The following GLRB variants were observed in gnomAD, a reference collection of about 807,000 sequenced individuals.
GLRB encodes glycine receptor subunit beta.
A neutral mutation model predicts 54.2 loss-of-function variants in GLRB; 33 were observed. That is an observed-to-expected ratio of 0.61 (90% CI 0.46 to 0.81). GLRB has a LOEUF of 0.81. Ranked by LOEUF, GLRB falls within the 40% of genes least tolerant of loss-of-function variation. GLRB has a pLI of 0.00. For synonymous variants in GLRB, 209 were observed against 208.2 expected (o/e 1.00, Z -0.03); for missense variants, 572 against 584.6 (o/e 0.98, Z 0.22).
chr4:157,125,526 A>G (rs990597228), intron 4 of GLRB, among the ~76,000 whole-genome samples: 1 of 151,918 alleles, frequency 6.6e-6, no homozygotes, highest in Admixed American at 6.6e-5. Context: ...TCACAGTAGT[A>G]TATTATCCTA....
chr4:157,118,513 G>C (rs987948876), intron 2 of GLRB, among the ~76,000 whole-genome samples: 2 of 151,494 alleles, frequency 1.3e-5, no homozygotes, highest in Non-Finnish European at 3.0e-5. Flanking sequence ...TGATATTGGA[G>C]CCAATAAAGC....
intron 9 of GLRB, among the ~76,000 whole-genome samples, chr4:157,167,358 G>A (rs910717661): frequency 3.3e-5 from 5 of 152,184 alleles, no homozygotes; most frequent in Non-Finnish European, 4.4e-5. Context: ...GATACATGTG[G>A]AGACTCACAC....
rs79202704 is a variant in GLRB, at chr4:157,099,876, C to G, written c.123-20680C>G. On this transcript the variant is annotated intron_variant, in intron 2 of 9. Coordinates refer to ENST00000264428, the MANE Select transcript of GLRB (RefSeq NM_000824.5). ...CCATCTTCTGTGAGTATAATGTTATCTCAGTGTAGTTTTAATTTGCATTTC... is the reference window on the plus strand; with the variant it reads ...CCATCTTCTGTGAGTATAATGTTATGTCAGTGTAGTTTTAATTTGCATTTC... Among the ~76,000 whole-genome samples the G allele has an allele frequency of 7.8e-3, 1,179 of 152,126 alleles. 22 individuals are homozygous for G. In the East Asian group the frequency reaches 0.1, roughly 13 times the overall value.
At chr4:157,141,816 A>T (rs1343484506) in intron 7 of GLRB, among the ~76,000 whole-genome samples, 1 of 152,094 alleles carries the variant, frequency 6.6e-6, no homozygotes, top group Non-Finnish European at 1.5e-5. Context: ...AAGCTCCCCT[A>T]GTGGGTACCT....
At chr4:157,081,419 C>T (rs2126419627) in intron 2 of GLRB, among the ~76,000 whole-genome samples, 1 of 152,194 alleles carries the variant, frequency 6.6e-6, no homozygotes, top group East Asian at 1.9e-4. Context: ...ACCGTCCCGT[C>T]ATGAAACTCA....
Position 157,143,258 on chromosome 4 carries a change from T to G in GLRB, c.752-549T>G, listed in dbSNP as rs761506645. ...TGTATATGGATTGAAAACACTGGTTTCCTATACTTGCTAATGTTTACTTCC... is the reference window on the plus strand; with the variant it reads ...TGTATATGGATTGAAAACACTGGTTGCCTATACTTGCTAATGTTTACTTCC... On this transcript the variant is annotated intron_variant, in intron 7 of 9. Transcript: ENST00000264428. Among the ~76,000 whole-genome samples the G allele has an allele frequency of 3.0e-4, 46 of 152,270 alleles. 1 individual carries two copies. The highest frequency in any genetic ancestry group is 9.8e-4 in the Admixed American group (15 of 15,290).
intron 2 of GLRB, among the ~76,000 whole-genome samples, chr4:157,099,329 G>T (rs1734929421): frequency 6.6e-6 from 1 of 151,392 alleles, no homozygotes; most frequent in African/African-American, 2.4e-5. Flanking sequence ...TATGACTGAA[G>T]GTGTTATTAA....
chr4:157,147,955 A>G (rs773718537), intron 8 of GLRB, among the ~76,000 whole-genome samples: 1 of 152,198 alleles, frequency 6.6e-6, no homozygotes, highest in Non-Finnish European at 1.5e-5. Flanking sequence ...GTTAAACAAA[A>G]CTTTATTTAT....
chr4:157,089,119 A>G (rs1027624597), intron 2 of GLRB, among the ~76,000 whole-genome samples: 2 of 152,206 alleles, frequency 1.3e-5, no homozygotes, highest in African/African-American at 4.8e-5. Context: ...GCTGGGTGCC[A>G]TGGCTCACCC....
chr4:157,077,671 G>A (rs1734085806), intron 1 of GLRB, among the ~76,000 whole-genome samples: 1 of 150,950 alleles, frequency 6.6e-6, no homozygotes, highest in South Asian at 2.1e-4. Context: ...TTGATATACT[G>A]TGCAATTCAA....
chr4:157,107,253 A>T (rs939646788), intron 2 of GLRB, among the ~76,000 whole-genome samples: 1 of 152,064 alleles, frequency 6.6e-6, no homozygotes, highest in Non-Finnish European at 1.5e-5. Context: ...AATTGTCTCT[A>T]AGTTTTCAGG....
intron 2 of GLRB, among the ~76,000 whole-genome samples, chr4:157,114,747 G>A (rs756567747): frequency 2.0e-5 from 3 of 151,702 alleles, no homozygotes; most frequent in Non-Finnish European, 2.9e-5. Flanking sequence ...GGGATTTATC[G>A]GATGTGTTTC....
chr4:157,170,994 C>A lies in GLRB; in HGVS notation c.*266C>A, dbSNP rs1477777671. ...AGCATACTACATAATATAATCCATA[C>A]AATTCTCTTCAGTTAGTGTAAACTG... On this transcript the variant is annotated 3_prime_UTR_variant, in exon 10 of 10. Coordinates refer to ENST00000264428, the MANE Select transcript of GLRB (RefSeq NM_000824.5). The A allele has an allele frequency of 3.9e-6, 1 of 257,610 alleles. No individual in the cohort carries two copies. 16.0% of individuals were successfully genotyped at this position (257,610 alleles called of 1,614,324 possible).
rs562991661 is a variant in GLRB at position 157,130,016 on chromosome 4, C to T, written c.298-6453C>T. Among the ~76,000 whole-genome samples the T allele has an allele frequency of 2.6e-4, 40 of 151,678 alleles. No individual in the cohort carries two copies. The East Asian group carries it at 5.5e-3, about 21-fold the overall frequency. On this transcript the variant is annotated intron_variant, in intron 4 of 9. Transcript: ENST00000264428. Reference sequence around the variant, plus strand: ...AATAACAACAACATGAAGGATATTTCCTAATAAAATGAAAAAGTTTTTTAG... The same window carrying T: ...AATAACAACAACATGAAGGATATTTTCTAATAAAATGAAAAAGTTTTTTAG...
At chr4:157,106,202 T>C (rs1735217853) in intron 2 of GLRB, among the ~76,000 whole-genome samples, 1 of 152,080 alleles carries the variant, frequency 6.6e-6, no homozygotes. Flanking sequence ...TTCTTTCAGC[T>C]CTTTGAATGT....
intron 4 of GLRB, among the ~76,000 whole-genome samples, chr4:157,130,753 G>A (rs898937951): frequency 1.3e-5 from 2 of 151,460 alleles, no homozygotes; most frequent in African/African-American, 2.4e-5. Context: ...TCAATTTTTG[G>A]GGGTATATAC....
At chr4:157,135,077 A>G (rs946820696) in intron 4 of GLRB, among the ~76,000 whole-genome samples, 4 of 152,212 alleles carry the variant, frequency 2.6e-5, no homozygotes, top group Admixed American at 6.6e-5. Context: ...ATAGTAATAT[A>G]TTTCTAACAA....
intron 2 of GLRB, among the ~76,000 whole-genome samples, chr4:157,111,993 G>T (rs1054533668): frequency 1.3e-5 from 2 of 151,434 alleles, no homozygotes; most frequent in African/African-American, 4.9e-5. Flanking sequence ...CTTCTTCCTG[G>T]GCTATTTATT....
intron 4 of GLRB, among the ~76,000 whole-genome samples, chr4:157,122,598 T>C (rs1735865822): frequency 6.6e-6 from 1 of 151,736 alleles, no homozygotes; most frequent in Admixed American, 6.6e-5. Flanking sequence ...GCTTTAATAT[T>C]GCGTTAAAAC....
Sources: gnomAD v4.1 joint callset for allele counts (sites outside exome capture counted in the v4.1 genomes callset) on GRCh38, gnomAD v4.1.1 for gene constraint, MANE v1.5 for transcripts, NCBI Gene and HGNC (gene_info 2026-07-23, HGNC 2026-07-21) for gene names.